LTAP1: variants seen among roughly 807,000 people sequenced by gnomAD.
The protein encoded by LTAP1 is lipid transport auxiliary protein 1.
At chr1:154,208,519 T>C in the LTAP1 span, 1 of 152,166 alleles carries the variant, frequency 6.6e-6, no homozygotes, top group Admixed American at 6.6e-5. Flanking sequence ...GAGAAACCAA[T>C]TTCCCAGAGT....
the LTAP1 span, among the ~76,000 whole-genome samples, chr1:154,210,364 C>T: frequency 2.6e-5 from 4 of 152,156 alleles, no homozygotes; most frequent in Non-Finnish European, 4.4e-5. Flanking sequence ...TTTAAGACAA[C>T]GTAGCTCATT....
the LTAP1 span, chr1:154,207,424 TA>T: frequency 6.2e-7 from 1 of 1,611,014 alleles, no homozygotes; most frequent in Non-Finnish European, 8.5e-7. Flanking sequence ...CTGACTGGCT[TA>T]ATCTACGGCA....
the LTAP1 span, among the ~76,000 whole-genome samples, chr1:154,210,207 T>G: frequency 6.6e-6 from 1 of 151,868 alleles, no homozygotes; most frequent in African/African-American, 2.4e-5. Flanking sequence ...CCAGGCTAAT[T>G]TTTATATTTT....
chr1:154,215,741 G>A, the LTAP1 span, among the ~76,000 whole-genome samples: 4 of 151,922 alleles, frequency 2.6e-5, no homozygotes, highest in South Asian at 6.2e-4. Flanking sequence ...ACAAAATACA[G>A]GTAACATAGA....
At chr1:154,207,461 T>C in the LTAP1 span, 1 of 1,613,904 alleles carries the variant, frequency 6.2e-7, no homozygotes, top group Non-Finnish European at 8.5e-7. Flanking sequence ...CGTCACAGAG[T>C]ACTCTCCAAT....
the LTAP1 span, among the ~76,000 whole-genome samples, chr1:154,215,057 C>G: frequency 6.6e-6 from 1 of 151,916 alleles, no homozygotes; most frequent in Non-Finnish European, 1.5e-5. Flanking sequence ...GTTGGCCAGG[C>G]TGGTCTCAAA....
chr1:154,215,691 T>C, the LTAP1 span, among the ~76,000 whole-genome samples: 1 of 152,200 alleles, frequency 6.6e-6, no homozygotes, highest in African/African-American at 2.4e-5. Context: ...AATTTTTTGT[T>C]GTAACTTTTT....
At chr1:154,210,282 G>A in the LTAP1 span, among the ~76,000 whole-genome samples, 1 of 151,950 alleles carries the variant, frequency 6.6e-6, no homozygotes, top group Non-Finnish European at 1.5e-5. Flanking sequence ...CAAGTGATCC[G>A]CCCACCTTGG....
chr1:154,211,129 C>T, the LTAP1 span, among the ~76,000 whole-genome samples: 2 of 151,520 alleles, frequency 1.3e-5, no homozygotes, highest in African/African-American at 2.4e-5. Context: ...CTCAGCCTCC[C>T]GAGTAGCTGG....
At chr1:154,220,076 G>A in the LTAP1 span, 1 of 820,106 alleles carries the variant, frequency 1.2e-6, no homozygotes, top group Non-Finnish European at 1.9e-6. Flanking sequence ...GGCAAAGCAA[G>A]GCCGTTATGA....
the LTAP1 span, among the ~76,000 whole-genome samples, chr1:154,215,333 G>A: frequency 5.3e-5 from 8 of 152,226 alleles, no homozygotes; most frequent in East Asian, 7.8e-4. Flanking sequence ...TTGGGAGGCC[G>A]AGGTGGGTGG....
At chr1:154,214,380 T>G in the LTAP1 span, 1 of 951,064 alleles carries the variant, frequency 1.1e-6, no homozygotes. Context: ...GCCAGCAGCT[T>G]TTGACAACTC....
the LTAP1 span, chr1:154,213,747 A>C: frequency 1.7e-5 from 10 of 583,596 alleles, no homozygotes; most frequent in Non-Finnish European, 3.0e-5. Context: ...CAAAATCTCT[A>C]ATCTAGTACT....
chr1:154,207,177 T>C, the LTAP1 span: 6 of 314,460 alleles, frequency 1.9e-5, no homozygotes, highest in Middle Eastern at 9.2e-4. Context: ...TTAAGAAGCT[T>C]TGACAGAAAC....
the LTAP1 span, among the ~76,000 whole-genome samples, chr1:154,216,068 A>T: frequency 0.02 from 3,085 of 151,976 alleles, 99 homozygotes; most frequent in African/African-American, 0.072. Context: ...CGATCTGCTG[A>T]CCTCATGATC....
the LTAP1 span, chr1:154,219,705 TTAG>T: frequency 1.4e-6 from 1 of 711,264 alleles, no homozygotes; most frequent in African/African-American, 1.8e-5. Context: ...CCTGCTCAAC[TTAG>T]TAAGTACAAG....
chr1:154,215,479 T>C, the LTAP1 span, among the ~76,000 whole-genome samples: 3 of 149,364 alleles, frequency 2.0e-5, no homozygotes, highest in African/African-American at 7.4e-5. Context: ...GGCAGGAGAA[T>C]GGCGTGAACC....
At chr1:154,214,694 A>G in the LTAP1 span, 20 of 643,460 alleles carry the variant, frequency 3.1e-5, no homozygotes, top group African/African-American at 3.6e-4. Context: ...ATGCTCATGT[A>G]GTTAATAAAA....
At chr1:154,212,442 G>T in the LTAP1 span, 62 of 1,614,072 alleles carry the variant, frequency 3.8e-5, 1 homozygote, top group East Asian at 1.2e-3. Flanking sequence ...GTGCCCCGAA[G>T]AAAAAACTGG....
Sources: gnomAD v4.1 joint callset for allele counts (sites outside exome capture counted in the v4.1 genomes callset) on GRCh38, gnomAD v4.1.1 for gene constraint, MANE v1.5 for transcripts, NCBI Gene and HGNC (gene_info 2026-07-23, HGNC 2026-07-21) for gene names.